Variants in MTRFR observed in about 807,000 individuals in gnomAD.
The protein encoded by MTRFR is mitochondrial translation release factor in rescue.
A neutral mutation model predicts 11.9 loss-of-function variants in MTRFR; 10 were observed. That is an observed-to-expected ratio of 0.84 (90% CI 0.52 to 1.42). The LOEUF is 1.42. Among genes scored for constraint, MTRFR ranks in the 40% most tolerant of loss-of-function variants. MTRFR has a pLI of 0.00. For missense variants in MTRFR, 196 were observed against 197.9 expected (o/e 0.99, Z 0.06); for synonymous variants, 77 against 79.1 (o/e 0.97, Z 0.14).
chr12:123,246,994 G>A (rs987132244), intron 1 of MTRFR, among the ~76,000 whole-genome samples: 2 of 151,912 alleles, frequency 1.3e-5, no homozygotes, highest in Non-Finnish European at 2.9e-5. Context: ...CTCCCAAAGT[G>A]CTGGGATTAC....
Position 123,234,522 on chromosome 12 carries a change from A to C in MTRFR, c.-29+991A>C, listed in dbSNP as rs376499153. Among the ~76,000 whole-genome samples, 51 of 152,152 alleles carry C rather than the reference A, an allele frequency of 3.4e-4. 1 individual carries two copies. The East Asian group carries it at 9.5e-3, about 28-fold the overall frequency. On this transcript the variant is annotated intron_variant, in intron 1 of 2. Coordinates refer to ENST00000253233, the MANE Select transcript of MTRFR (RefSeq NM_152269.5). ...GTGATTCTTCTGCTTCAGCCTCCCGAGTAGCCGGGAATACCGGTGCCCGCC... is the reference window on the plus strand; with the variant it reads ...GTGATTCTTCTGCTTCAGCCTCCCGCGTAGCCGGGAATACCGGTGCCCGCC...
chr12:123,234,795 C>T (rs2047813100), intron 1 of MTRFR, among the ~76,000 whole-genome samples: 1 of 152,160 alleles, frequency 6.6e-6, no homozygotes. Flanking sequence ...CCAGGACTTA[C>T]TTCATTGAAG....
At chr12:123,245,998 A>G (rs1264635922) in intron 1 of MTRFR, among the ~76,000 whole-genome samples, 1 of 152,136 alleles carries the variant, frequency 6.6e-6, no homozygotes, top group Non-Finnish European at 1.5e-5. Flanking sequence ...CAGGGGGAAC[A>G]GTTTCAACTT....
intron 1 of MTRFR, chr12:123,248,214 C>A (rs1166109317): frequency 2.0e-5 from 3 of 146,996 alleles, no homozygotes; most frequent in African/African-American, 7.3e-5. Context: ...ATCTTTTCTT[C>A]ATATGTGATA....
At chr12:123,234,223 AC>A (rs2047791236) in intron 1 of MTRFR, among the ~76,000 whole-genome samples, 1 of 151,714 alleles carries the variant, frequency 6.6e-6, no homozygotes, top group South Asian at 2.1e-4. Context: ...TACTCGATTT[AC>A]CTCCAGGAGT....
Position 123,244,529 on chromosome 12 carries a change from A to G in MTRFR, c.-28-9118A>G, listed in dbSNP as rs1380528240. Among the ~76,000 whole-genome samples the G allele has an allele frequency of 2.0e-5, 3 of 152,246 alleles. No individual in the cohort carries two copies. The East Asian group carries it at 5.8e-4, about 29-fold the overall frequency. On this transcript the variant is annotated intron_variant, in intron 1 of 2. Coordinates refer to ENST00000253233, the MANE Select transcript of MTRFR (RefSeq NM_152269.5). ...AATAAAGATGCTCTAACCAAGTGGT[A>G]CTTTTGCAGTTCCCGTAATCCTCCT...
At chr12:123,234,442 C>G (rs1448510992) in intron 1 of MTRFR, among the ~76,000 whole-genome samples, 1 of 152,164 alleles carries the variant, frequency 6.6e-6, no homozygotes, top group Non-Finnish European at 1.5e-5. Context: ...GTCACCCAGG[C>G]TGGAGGGCAG....
rs763079046 is a variant in MTRFR, at chr12:123,256,872, G to C, written c.342G>C (p.Glu114Asp). 1 of 1,613,748 alleles carries C rather than the reference G, an allele frequency of 6.2e-7. No homozygotes were observed. The highest frequency in any genetic ancestry group is 1.3e-5 in the African/African-American group (1 of 74,852). Residue 114 changes from glutamate (E) to aspartate (D), a missense_variant, in exon 3 of 3, where the codon GAG becomes GAC. Transcript: ENST00000253233. ...NRKLARKILQ[E>D]KVDVFYNGEN... ...AGCTAGCTCGGAAAATCCTACAAGA[G>C]AAAGTAGATGTTTTCTACAATGGTG...
Position 123,235,214 on chromosome 12 carries a change from A to G in MTRFR, c.-29+1683A>G, listed in dbSNP as rs192690159. Among the ~76,000 whole-genome samples, 4 of 152,372 alleles carry G rather than the reference A, an allele frequency of 2.6e-5. No individual in the cohort carries two copies. The East Asian group carries it at 7.7e-4, about 29-fold the overall frequency. On this transcript the variant is annotated intron_variant, in intron 1 of 2. Coordinates refer to ENST00000253233, the MANE Select transcript of MTRFR (RefSeq NM_152269.5). ...TGATTTTGTTCGCACTCTAGGTAGT[A>G]GTATCTCCATTCTACAGATGAGGAA...
intron 1 of MTRFR, among the ~76,000 whole-genome samples, chr12:123,236,600 A>C (rs1165035238): frequency 6.6e-6 from 1 of 152,128 alleles, no homozygotes. Context: ...CTCAAAAAAA[A>C]AAAAAAGAAG....
At chr12:123,254,078 C>G in intron 2 of MTRFR, 122 bp downstream of exon 2, 2 of 1,198,564 alleles carry the variant, frequency 1.7e-6, no homozygotes, top group Admixed American at 4.5e-5. Flanking sequence ...TTGGGCCACC[C>G]TCTACCAGCC....
intron 1 of MTRFR, 175 bp from the exon 2 acceptor site, chr12:123,253,472 G>A (rs1007766374): frequency 1.6e-6 from 1 of 639,790 alleles, no homozygotes; most frequent in Admixed American, 2.4e-5. Context: ...GACAGTGCAA[G>A]GCTGAGGAGA....
intron 1 of MTRFR, among the ~76,000 whole-genome samples, chr12:123,246,012 C>T (rs758178540): frequency 1.3e-5 from 2 of 152,004 alleles, no homozygotes; most frequent in Non-Finnish European, 2.9e-5. Context: ...TCAACTTTTC[C>T]CCATTGAGTA....
rs570902883 is a variant in MTRFR at position 123,253,854 on chromosome 12, C to T, written c.180C>T (p.Leu60=). 6.2e-7 allele frequency: 1 copy of T among 1,614,148 alleles called. No individual in the cohort carries two copies. Among genetic ancestry groups the T allele is most frequent in the South Asian group, 1.1e-5 (1 of 91,086 alleles). The part of the protein sequence containing the change: ...PALLSLDENE[L]EEQFVKGHGP... Reference sequence around the variant, plus strand: ...TGCTTTCCTTGGATGAGAATGAACTCGAAGAGCAGTTTGTGAAAGGACACG... The same window carrying T: ...TGCTTTCCTTGGATGAGAATGAACTTGAAGAGCAGTTTGTGAAAGGACACG... The change falls in exon 2 of 3, where the codon CTC becomes CTT. Residue 60 remains leucine, a synonymous_variant. Transcript: ENST00000253233.
intron 1 of MTRFR, among the ~76,000 whole-genome samples, chr12:123,237,130 T>G (rs1173198977): frequency 6.6e-6 from 1 of 151,076 alleles, no homozygotes; most frequent in Non-Finnish European, 1.5e-5. Context: ...AGCACAGGTG[T>G]AATTCTGTGG....
At chr12:123,246,890 C>T (rs1829136566) in intron 1 of MTRFR, among the ~76,000 whole-genome samples, 1 of 151,792 alleles carries the variant, frequency 6.6e-6, no homozygotes, top group Admixed American at 6.6e-5. Context: ...ACCACCACGC[C>T]CGGCTAATTT....
In MTRFR at chr12:123,257,232, G is replaced by T; in HGVS notation, c.*201G>T. ...CGATTCAAGAATAAAACTCGGCTGG[G>T]CACGGTGGACGGTGCCTCACATCTG... is the stretch of plus-strand genomic sequence containing the variant. On this transcript the variant is annotated 3_prime_UTR_variant, in exon 3 of 3. Coordinates refer to ENST00000253233, the MANE Select transcript of MTRFR (RefSeq NM_152269.5). 1 of 562,850 alleles carries T rather than the reference G, an allele frequency of 1.8e-6. No homozygotes were observed. Among genetic ancestry groups the T allele is most frequent in the South Asian group, 2.1e-5 (1 of 47,854 alleles). 34.9% of individuals were successfully genotyped at this position (562,850 alleles called of 1,614,324 possible). A position where few individuals can be genotyped will look rare whatever the true frequency, so the allele number is the denominator to read the frequency against.
Position 123,236,179 on chromosome 12 carries a change from A to C in MTRFR, c.-29+2648A>C, listed in dbSNP as rs577094275. 1.8e-4 allele frequency among the ~76,000 whole-genome samples: 28 copies of C among 152,322 alleles called. No individual in the cohort carries two copies. The South Asian group carries it at 5.8e-3, about 32-fold the overall frequency. On this transcript the variant is annotated intron_variant, in intron 1 of 2. Coordinates refer to ENST00000253233, the MANE Select transcript of MTRFR (RefSeq NM_152269.5). Reference sequence around the variant, plus strand: ...GAAAGGTAATGAAACAAGGTGTAGAAAGGATAATTTAGTTTCAAAAATTGA... The same window carrying C: ...GAAAGGTAATGAAACAAGGTGTAGACAGGATAATTTAGTTTCAAAAATTGA...
intron 1 of MTRFR, chr12:123,240,674 T>C (rs1466648784): frequency 6.6e-6 from 1 of 150,672 alleles, no homozygotes; most frequent in Non-Finnish European, 1.5e-5. Context: ...GGTCCAGAGA[T>C]TGACATCTCA....
Sources: allele counts gnomAD v4.1 joint callset (sites outside exome capture counted in the v4.1 genomes callset), GRCh38; gene constraint gnomAD v4.1.1; transcripts MANE v1.5; gene names NCBI Gene and HGNC (gene_info 2026-07-23, HGNC 2026-07-21).